The following ANK3 variants were observed in gnomAD, a reference collection of about 807,000 sequenced individuals.
ANK3 encodes ankyrin 3.
In ANK3, 57 loss-of-function variants were observed where a neutral mutation model predicts 370.9. The ratio of observed to expected loss-of-function variants is 0.15; its 90% CI spans 0.12 to 0.19. The LOEUF is 0.19. ANK3 is among the 10% of genes least tolerant of loss of function. The pLI is 1.00. For synonymous variants in ANK3, 1,929 were observed against 1,946.3 expected (o/e 0.99, Z 0.23); for missense variants, 4,439 against 5,302.1 (o/e 0.84, Z 5.06).
intron 1 of ANK3, among the ~76,000 whole-genome samples, chr10:60,631,406 C>T (rs1588945675): frequency 6.6e-6 from 1 of 151,996 alleles, no homozygotes; most frequent in Non-Finnish European, 1.5e-5. Context: ...GAGGTGCGTG[C>T]CTCTAGTCCC....
chr10:60,163,684 A>C (rs1015591242), intron 23 of ANK3, among the ~76,000 whole-genome samples: 1 of 152,170 alleles, frequency 6.6e-6, no homozygotes, highest in Non-Finnish European at 1.5e-5. Context: ...TATTTATTTT[A>C]CTTTTGCTTT....
At chr10:60,465,467 G>C (rs926879300) in intron 2 of ANK3, among the ~76,000 whole-genome samples, 2 of 152,124 alleles carry the variant, frequency 1.3e-5, no homozygotes, top group African/African-American at 4.8e-5. Context: ...AATAAATATA[G>C]TCCTGATCAG....
intron 2 of ANK3, among the ~76,000 whole-genome samples, chr10:60,462,335 G>A (rs2064905989): frequency 6.6e-6 from 1 of 152,050 alleles, no homozygotes; most frequent in Non-Finnish European, 1.5e-5. Flanking sequence ...TATATTTTTG[G>A]AGACATTCCC....
intron 36 of ANK3, among the ~76,000 whole-genome samples, chr10:60,080,089 T>C (rs913466069): frequency 1.3e-5 from 2 of 151,916 alleles, no homozygotes; most frequent in African/African-American, 4.8e-5. Context: ...TCTTGCAAAG[T>C]GGGAAGAAAA....
At chr10:60,211,828 A>C (rs373103596) in intron 9 of ANK3, among the ~76,000 whole-genome samples, 1 of 145,986 alleles carries the variant, frequency 6.8e-6, no homozygotes, top group Non-Finnish European at 1.5e-5. Context: ...TGCCACTCAC[A>C]TGTTTGTGCC....
At chr10:60,591,719 T>C (rs1171395755) in intron 2 of ANK3, among the ~76,000 whole-genome samples, 1 of 152,148 alleles carries the variant, frequency 6.6e-6, no homozygotes, top group Admixed American at 6.6e-5. Context: ...GTGATACATA[T>C]ACACAATGGA....
chr10:60,668,163 G>A (rs1310944946), intron 1 of ANK3, among the ~76,000 whole-genome samples: 6 of 151,498 alleles, frequency 4.0e-5, no homozygotes, highest in South Asian at 2.1e-4. Context: ...AGGAAACTCA[G>A]AGGAGAACGT....
At chr10:60,504,973 A>G (rs1180159140) in intron 2 of ANK3, among the ~76,000 whole-genome samples, 1 of 152,150 alleles carries the variant, frequency 6.6e-6, no homozygotes, top group African/African-American at 2.4e-5. Context: ...GGATCATTAT[A>G]ACTTTTCTAT....
chr10:60,480,129 A>G (rs1287095514), intron 2 of ANK3, among the ~76,000 whole-genome samples: 1 of 152,178 alleles, frequency 6.6e-6, no homozygotes, highest in Non-Finnish European at 1.5e-5. Context: ...AGGGTCAGGG[A>G]CTACTCCTAG....
intron 28 of ANK3, among the ~76,000 whole-genome samples, chr10:60,096,894 A>G (rs1489810553): frequency 1.3e-5 from 2 of 152,254 alleles, no homozygotes; most frequent in Admixed American, 6.5e-5. Context: ...GAACATAAAC[A>G]TAAGAGCTTC....
At chr10:60,420,648 C>T (rs1022298387) in intron 2 of ANK3, among the ~76,000 whole-genome samples, 1 of 151,924 alleles carries the variant, frequency 6.6e-6, no homozygotes, top group Non-Finnish European at 1.5e-5. Flanking sequence ...TCAAAATGAA[C>T]CATTATTACA....
At chr10:60,320,615 A>T (rs2048416649) in intron 1 of ANK3, among the ~76,000 whole-genome samples, 2 of 152,052 alleles carry the variant, frequency 1.3e-5, no homozygotes, top group Admixed American at 1.3e-4. Flanking sequence ...AAACAAACAA[A>T]GCAATATGTT....
intron 1 of ANK3, among the ~76,000 whole-genome samples, chr10:60,382,797 C>CTATCTATATATATA (rs2061711962): frequency 7.5e-6 from 1 of 133,744 alleles, no homozygotes; most frequent in African/African-American, 2.7e-5. Flanking sequence ...ATACCTAAAT[C>CTATCTATATATATA]TATATATATA....
chr10:60,621,815 C>G (rs1403761515), intron 1 of ANK3, among the ~76,000 whole-genome samples: 1 of 151,984 alleles, frequency 6.6e-6, no homozygotes, highest in East Asian at 1.9e-4. Flanking sequence ...CAGGTCTGAT[C>G]CAATTACTCA....
At chr10:60,344,025 A>C (rs960234371) in intron 1 of ANK3, among the ~76,000 whole-genome samples, 1 of 152,228 alleles carries the variant, frequency 6.6e-6, no homozygotes, top group African/African-American at 2.4e-5. Context: ...TCCTTTTTGA[A>C]CATGTGAAGG....
At chr10:60,661,408 C>A (rs1019968927) in intron 1 of ANK3, among the ~76,000 whole-genome samples, 1 of 151,984 alleles carries the variant, frequency 6.6e-6, no homozygotes, top group Admixed American at 6.6e-5. Context: ...TAATGCCCTT[C>A]GGGGAGTCCT....
At chr10:60,269,408 G>A (rs865878987) in intron 5 of ANK3, among the ~76,000 whole-genome samples, 3 of 152,074 alleles carry the variant, frequency 2.0e-5, no homozygotes, top group Non-Finnish European at 2.9e-5. Flanking sequence ...CACTTTGAGA[G>A]GCCGAGGCGG....
chr10:60,147,424 T>G lies in ANK3; in HGVS notation c.2615-8337A>C, dbSNP rs1401721939. 2.6e-5 allele frequency among the ~76,000 whole-genome samples: 4 copies of G among 152,192 alleles called. No individual in the cohort carries two copies. The East Asian group carries it at 7.7e-4, about 29-fold the overall frequency. ...GGAGAGAGGGTCTTCACTTTAACCC[T>G]TTGTTTGCCATCATATGCTGGCCAT... On this transcript the variant is annotated intron_variant, in intron 23 of 43. Transcript: ENST00000280772.
At position 60,071,125 on chromosome 10, in the gene ANK3, A is replaced by C. The variant is rs2082607234; in HGVS notation, c.9756T>G (p.Ile3252Met). The C allele has an allele frequency of 5.6e-6, 9 of 1,613,994 alleles. No individual in the cohort carries two copies. Among genetic ancestry groups the C allele is most frequent in the Non-Finnish European group, 7.6e-6 (9 of 1,180,022 alleles). ...CCAGTGGTGGAGGAGGGGGAAATTC[A>C]ATATAGGCAACTCTGTTATTTTTGG... ...QRPKNNRVAY[I>M]EFPPPPPLDA... The change falls in exon 37 of 44, where the codon ATT (isoleucine) becomes ATG (methionine). Residue 3252 changes from isoleucine to methionine, a missense_variant. Transcript: ENST00000280772.
Sources: allele counts gnomAD v4.1 joint callset (sites outside exome capture counted in the v4.1 genomes callset), GRCh38; gene constraint gnomAD v4.1.1; transcripts MANE v1.5; gene names NCBI Gene and HGNC (gene_info 2026-07-23, HGNC 2026-07-21).